AGMO: variants seen among roughly 807,000 people sequenced by gnomAD.
AGMO encodes glyceryl-ether monooxygenase.
Under a neutral mutation model 60.2 loss-of-function variants are expected in AGMO, and 75 were observed. The observed-to-expected ratio is 1.25, with a 90% CI of 1.03 to 1.51. The LOEUF (loss-of-function observed/expected upper bound fraction) is 1.51. Ranked by LOEUF, AGMO falls within the 40% of genes most tolerant of loss-of-function variation. AGMO has a pLI of 0.00. For missense variants in AGMO, 763 were observed against 525.5 expected (o/e 1.45, Z -4.42); for synonymous variants, 261 against 177.1 (o/e 1.47, Z -3.76).
intron 3 of AGMO, among the ~76,000 whole-genome samples, chr7:15,437,763 A>G (rs1372849652): frequency 4.6e-5 from 7 of 152,032 alleles, no homozygotes; most frequent in African/African-American, 1.7e-4. Flanking sequence ...GATGGTCTTG[A>G]TCTCCTGACC....
rs775834562 is a variant in AGMO, at chr7:15,390,748, T to C, written c.745A>G (p.Thr249Ala). ...VLIIWDKIFGTFEAENEKVVY... is the reference protein window; with the variant it reads ...VLIIWDKIFGAFEAENEKVVY... ...ACTTTTTCATTTTCTGCTTCAAATG[T>C]CCCTGGAAGATAAATATAAAGATAT... is the stretch of plus-strand genomic sequence containing the variant. The change falls in exon 8 of 13, where the codon ACA (threonine) becomes GCA (alanine). Residue 249 changes from threonine to alanine, a missense_variant and splice_region_variant. Physicochemically the swap from Thr to Ala is moderately conservative, Grantham distance 58. Coordinates refer to ENST00000342526, the MANE Select transcript of AGMO (RefSeq NM_001004320.2). 22 of 1,607,700 alleles carry C rather than the reference T, an allele frequency of 1.4e-5. No homozygotes were observed. Among genetic ancestry groups the C allele is most frequent in the Non-Finnish European group, 1.8e-5 (21 of 1,175,086 alleles).
chr7:15,277,258 T>C (rs1400739872), intron 12 of AGMO, among the ~76,000 whole-genome samples: 1 of 151,908 alleles, frequency 6.6e-6, no homozygotes, highest in Non-Finnish European at 1.5e-5. Context: ...TGAGTACAGA[T>C]CATGCCATTG....
At chr7:15,235,762 ACT>A (rs1782399480) in intron 12 of AGMO, among the ~76,000 whole-genome samples, 1 of 152,134 alleles carries the variant, frequency 6.6e-6, no homozygotes, top group African/African-American at 2.4e-5. Context: ...TCTCAATTTA[ACT>A]CTCTTTGGAT....
the AGMO span, among the ~76,000 whole-genome samples, chr7:15,137,794 G>T: frequency 6.6e-6 from 1 of 152,164 alleles, no homozygotes; most frequent in Non-Finnish European, 1.5e-5. Context: ...TTAAGCTAGG[G>T]AGTGAAATGA....
intron 12 of AGMO, among the ~76,000 whole-genome samples, chr7:15,324,681 C>T (rs1321020217): frequency 2.6e-5 from 4 of 152,096 alleles, no homozygotes; most frequent in East Asian, 3.9e-4. Context: ...GGGGCGGTGT[C>T]GGGGAGAAGA....
intron 3 of AGMO, among the ~76,000 whole-genome samples, chr7:15,534,871 T>A (rs1481695708): frequency 6.6e-6 from 1 of 151,822 alleles, no homozygotes; most frequent in African/African-American, 2.4e-5. Flanking sequence ...ATTTTAATAT[T>A]ATTTAGAGAA....
the AGMO span, among the ~76,000 whole-genome samples, chr7:15,149,455 C>T: frequency 6.6e-6 from 1 of 152,132 alleles, no homozygotes; most frequent in Non-Finnish European, 1.5e-5. Flanking sequence ...GTAGGTCTTA[C>T]ATTTAAGCTT....
At chr7:15,353,611 G>C (rs1381942948) in intron 12 of AGMO, among the ~76,000 whole-genome samples, 1 of 152,146 alleles carries the variant, frequency 6.6e-6, no homozygotes, top group Non-Finnish European at 1.5e-5. Context: ...TTTTGGACGT[G>C]AAATTTTTCC....
intron 12 of AGMO, among the ~76,000 whole-genome samples, chr7:15,267,828 A>C (rs1277291562): frequency 6.6e-6 from 1 of 152,020 alleles, no homozygotes; most frequent in Non-Finnish European, 1.5e-5. Context: ...GCTAAAGCAG[A>C]GTATTTCAAG....
chr7:15,509,300 A>C (rs1318384741), intron 3 of AGMO, among the ~76,000 whole-genome samples: 1 of 151,970 alleles, frequency 6.6e-6, no homozygotes, highest in East Asian at 1.9e-4. Flanking sequence ...TTTCAACAAC[A>C]CCAAAAATAC....
At chr7:15,151,331 A>G in the AGMO span, among the ~76,000 whole-genome samples, 4 of 151,858 alleles carry the variant, frequency 2.6e-5, no homozygotes, top group African/African-American at 9.6e-5. Context: ...TGTTCAGTTC[A>G]TCGCTCGTTT....
the AGMO span, among the ~76,000 whole-genome samples, chr7:15,161,499 C>T: frequency 6.6e-6 from 1 of 151,326 alleles, no homozygotes; most frequent in Non-Finnish European, 1.5e-5. Context: ...TAAATACACA[C>T]ATATGTCATA....
chr7:15,148,451 T>C, the AGMO span, among the ~76,000 whole-genome samples: 2 of 152,162 alleles, frequency 1.3e-5, no homozygotes, highest in Non-Finnish European at 2.9e-5. Context: ...CATGGTACCC[T>C]GTACATAGTT....
chr7:15,310,286 T>C (rs146378428), intron 12 of AGMO, among the ~76,000 whole-genome samples: 1 of 152,206 alleles, frequency 6.6e-6, no homozygotes, highest in African/African-American at 2.4e-5. Context: ...TTTTATTTGC[T>C]AAAAATATCA....
At chr7:15,141,409 C>T in the AGMO span, among the ~76,000 whole-genome samples, 1 of 151,996 alleles carries the variant, frequency 6.6e-6, no homozygotes, top group Non-Finnish European at 1.5e-5. Context: ...ACGATGAAAC[C>T]ACGTCTCTAT....
chr7:15,287,468 T>TAA (rs1563070788), intron 12 of AGMO, among the ~76,000 whole-genome samples: 16 of 152,194 alleles, frequency 1.1e-4, no homozygotes, highest in African/African-American at 2.9e-4. Flanking sequence ...ACTTCTCTAT[T>TAA]TGGATCTTGT....
chr7:15,440,701 G>C (rs1276976058), intron 3 of AGMO, among the ~76,000 whole-genome samples: 1 of 152,192 alleles, frequency 6.6e-6, no homozygotes, highest in African/African-American at 2.4e-5. Flanking sequence ...ATTCAAAGCA[G>C]AGTGAGCTTT....
At chr7:15,533,082 C>T (rs1359303234) in intron 3 of AGMO, among the ~76,000 whole-genome samples, 1 of 152,132 alleles carries the variant, frequency 6.6e-6, no homozygotes, top group Non-Finnish European at 1.5e-5. Flanking sequence ...GGCAATACCT[C>T]TCAGAGTAGT....
At chr7:15,144,464 A>G in the AGMO span, among the ~76,000 whole-genome samples, 3 of 152,234 alleles carry the variant, frequency 2.0e-5, no homozygotes, top group African/African-American at 7.2e-5. Flanking sequence ...GAAAAGTATA[A>G]GAAATGCAAA....
Sources: gnomAD v4.1 joint callset for allele counts (sites outside exome capture counted in the v4.1 genomes callset) on GRCh38, gnomAD v4.1.1 for gene constraint, MANE v1.5 for transcripts, NCBI Gene and HGNC (gene_info 2026-07-23, HGNC 2026-07-21) for gene names.